The following RFX4 variants were observed in gnomAD, a reference collection of about 807,000 sequenced individuals.
RFX4 encodes the protein transcription factor RFX4.
Under a neutral mutation model 95.0 loss-of-function variants are expected in RFX4, and 10 were observed. The observed-to-expected ratio is 0.11, with a 90% CI of 0.06 to 0.18. The LOEUF is 0.18. RFX4 is among the 10% of genes least tolerant of loss of function. RFX4 has a pLI of 1.00. For synonymous variants in RFX4, 321 were observed against 340.7 expected, an observed-to-expected ratio of 0.94 and a Z score of 0.64; for missense variants, 640 against 922.0, an observed-to-expected ratio of 0.69 and a Z score of 3.96.
At chr12:106,639,943 G>A (rs1318677447) in intron 3 of RFX4, among the ~76,000 whole-genome samples, 3 of 152,114 alleles carry the variant, frequency 2.0e-5, no homozygotes, top group African/African-American at 7.2e-5. Flanking sequence ...TTGTAGCTTT[G>A]AACACTAGAG....
chr12:106,666,293 C>G (rs1360181973), intron 4 of RFX4, among the ~76,000 whole-genome samples: 1 of 151,936 alleles, frequency 6.6e-6, no homozygotes, highest in African/African-American at 2.4e-5. Context: ...GTTTTTCTCT[C>G]TGGCTTTTTT....
At chr12:106,688,071 T>C (rs1025472703) in intron 6 of RFX4, among the ~76,000 whole-genome samples, 90 of 145,200 alleles carry the variant, frequency 6.2e-4, no homozygotes, top group African/African-American at 2.0e-3. Flanking sequence ...TTTCTTTTTT[T>C]TTTTTTTTTT....
At chr12:106,627,542 AAAAACAAAAC>A (rs560560572) in intron 2 of RFX4, among the ~76,000 whole-genome samples, 5 of 152,314 alleles carry the variant, frequency 3.3e-5, no homozygotes, top group East Asian at 3.9e-4. Flanking sequence ...CGTCTCAGAA[AAAAACAAAAC>A]AAAACAAAAC....
chr12:106,735,869 T>C (rs2042700280), intron 15 of RFX4, among the ~76,000 whole-genome samples: 1 of 152,162 alleles, frequency 6.6e-6, no homozygotes, highest in Admixed American at 6.5e-5. Flanking sequence ...ATAAGTGAGA[T>C]ATAAACTAAT....
chr12:106,604,107 TTCTC>T (rs1285471874), intron 1 of RFX4, among the ~76,000 whole-genome samples: 5 of 146,808 alleles, frequency 3.4e-5, no homozygotes, highest in Non-Finnish European at 7.5e-5. Context: ...TCACTACAGC[TTCTC>T]TCTCTTTTTT....
intron 1 of RFX4, among the ~76,000 whole-genome samples, chr12:106,605,972 A>C (rs2039823968): frequency 6.6e-6 from 1 of 152,060 alleles, no homozygotes; most frequent in African/African-American, 2.4e-5. Flanking sequence ...CCAGTGTGGG[A>C]TTGCACAGTG....
intron 2 of RFX4, among the ~76,000 whole-genome samples, chr12:106,613,287 C>G (rs2039998925): frequency 6.7e-6 from 1 of 150,226 alleles, no homozygotes; most frequent in African/African-American, 2.4e-5. Context: ...AAATATATCC[C>G]ATTTGGTCAT....
At chr12:106,674,530 C>G (rs144762874) in intron 4 of RFX4, among the ~76,000 whole-genome samples, 2 of 152,092 alleles carry the variant, frequency 1.3e-5, no homozygotes, top group African/African-American at 4.8e-5. Context: ...GGGGTTTCAC[C>G]ATGTTGTCCA....
intron 17 of RFX4, among the ~76,000 whole-genome samples, chr12:106,756,534 G>C (rs1171475875): frequency 1.3e-5 from 2 of 150,986 alleles, no homozygotes; most frequent in East Asian, 3.9e-4. Context: ...TTAGGGCACT[G>C]TACTTTGGGT....
At chr12:106,655,641 C>T (rs12319610) in intron 4 of RFX4, among the ~76,000 whole-genome samples, 88 of 152,306 alleles carry the variant, frequency 5.8e-4, no homozygotes, top group African/African-American at 2.0e-3. Context: ...GTGGAAAGCC[C>T]AGATGAGGCC....
intron 16 of RFX4, among the ~76,000 whole-genome samples, chr12:106,748,301 A>T (rs1011081608): frequency 1.3e-5 from 2 of 152,156 alleles, no homozygotes; most frequent in Non-Finnish European, 2.9e-5. Flanking sequence ...TACACTTCGC[A>T]GAATTACAGA....
At chr12:106,621,018 C>G (rs922914197) in intron 2 of RFX4, among the ~76,000 whole-genome samples, 2 of 152,104 alleles carry the variant, frequency 1.3e-5, no homozygotes, top group African/African-American at 4.8e-5. Flanking sequence ...CCCTTGTTCC[C>G]TAAAAATCAC....
chr12:106,702,250 T>G (rs2137469571), intron 8 of RFX4, among the ~76,000 whole-genome samples: 1 of 152,322 alleles, frequency 6.6e-6, no homozygotes, highest in East Asian at 1.9e-4. Context: ...TTTTATTGGC[T>G]GCCAAACAGT....
At position 106,690,989 on chromosome 12, in the gene RFX4, G is replaced by A. The variant is rs566181433; in HGVS notation, c.669+1625G>A. Among the ~76,000 whole-genome samples, 3 of 152,242 alleles carry A rather than the reference G, an allele frequency of 2.0e-5. No homozygotes were observed. In the South Asian group the frequency reaches 6.2e-4, roughly 32 times the overall value. On this transcript the variant is annotated intron_variant, in intron 7 of 17. Coordinates refer to ENST00000392842, the MANE Select transcript of RFX4 (RefSeq NM_213594.3). ...ACCTATTGGGTCCCATACACTATTG[G>A]AGAGATAAGTAAAACACAGTTGATA...
intron 7 of RFX4, among the ~76,000 whole-genome samples, chr12:106,692,836 A>G (rs2041809868): frequency 6.6e-6 from 1 of 152,202 alleles, no homozygotes; most frequent in Non-Finnish European, 1.5e-5. Flanking sequence ...TCACCCTAAT[A>G]GTAGGAAGAC....
chr12:106,591,510 C>G (rs988463425), intron 1 of RFX4, among the ~76,000 whole-genome samples: 1 of 152,092 alleles, frequency 6.6e-6, no homozygotes, highest in Admixed American at 6.6e-5. Context: ...TTGTGATCCA[C>G]CCACCTCGGC....
rs1430798805 is a variant in RFX4 at position 106,586,932 on chromosome 12, C to T, written c.43+3569C>T. 6.6e-6 allele frequency among the ~76,000 whole-genome samples: 1 copy of T among 152,208 alleles called. No individual in the cohort carries two copies. Among genetic ancestry groups the T allele is most frequent in the East Asian group, 1.9e-4 (1 of 5,170 alleles). ...CAAGGAGCCGGAGGTCCGAGCCTTG[C>T]TCCAGCGCCCAAACCAGACAGTCTC... On this transcript the variant is annotated intron_variant, in intron 1 of 17. Coordinates refer to ENST00000392842, the MANE Select transcript of RFX4 (RefSeq NM_213594.3). The surrounding 1 kb of genome is among the most constrained non-coding windows in gnomAD (Gnocchi z 5.6).
chr12:106,654,379 TC>T (rs767297477), intron 4 of RFX4, 28 bp downstream of exon 4: 1 of 1,599,750 alleles, frequency 6.3e-7, no homozygotes, highest in Non-Finnish European at 8.5e-7. Context: ...AGGCTTGTCC[TC>T]CCTACCACCC....
intron 1 of RFX4, among the ~76,000 whole-genome samples, chr12:106,588,264 A>G (rs574764459): frequency 1.4e-4 from 21 of 152,318 alleles, no homozygotes; most frequent in Middle Eastern, 3.4e-3. Context: ...TCTCATTGCC[A>G]CCTGCAGTGC....
Sources: gnomAD v4.1 joint callset for allele counts (sites outside exome capture counted in the v4.1 genomes callset) on GRCh38, gnomAD v4.1.1 for gene constraint, Gnocchi (gnomAD v3.1) non-coding constraint, MANE v1.5 for transcripts, NCBI Gene and HGNC (gene_info 2026-07-23, HGNC 2026-07-21) for gene names.